Variants in TNNT3 observed in about 807,000 individuals in gnomAD.
The protein encoded by TNNT3 is troponin T, fast skeletal muscle.
TNNT3 carries 36 observed loss-of-function variants against 54.2 expected under a neutral mutation model. The observed-to-expected ratio is 0.66, with a 90% CI of 0.51 to 0.88. The LOEUF (loss-of-function observed/expected upper bound fraction) is 0.88. Ranked by LOEUF, TNNT3 falls within the 40% of genes least tolerant of loss-of-function variation. The probability of loss-of-function intolerance (pLI) is 0.00; values close to 1 mark genes in which losing one functional copy is unlikely to be tolerated. For missense variants in TNNT3, 291 were observed against 331.6 expected (o/e 0.88, Z 0.95); for synonymous variants, 120 against 109.7 (o/e 1.09, Z -0.59).
At chr11:1,934,275 C>T in intron 11 of TNNT3, 57 bp from the exon 12 acceptor site, 2 of 1,531,174 alleles carry the variant, frequency 1.3e-6, no homozygotes, top group Non-Finnish European at 1.8e-6. Flanking sequence ...TAAAGCCTGC[C>T]CAGAAAGCAT....
intron 8 of TNNT3, among the ~76,000 whole-genome samples, chr11:1,930,859 C>A (rs960225): frequency 0.087 from 13,217 of 152,054 alleles, 833 homozygotes; most frequent in South Asian, 0.27. Context: ...AATAAGACAC[C>A]TCATGAAAGA....
chr11:1,931,739 CA>C (rs1396926370), intron 8 of TNNT3, among the ~76,000 whole-genome samples: 32 of 125,544 alleles, frequency 2.5e-4, no homozygotes, highest in African/African-American at 8.5e-4. Context: ...TTTTTTTTCA[CA>C]TACATACGTT....
intron 6 of TNNT3, 106 bp downstream of exon 6, chr11:1,926,815 C>G: frequency 6.8e-7 from 1 of 1,474,552 alleles, no homozygotes; most frequent in Non-Finnish European, 9.4e-7. Flanking sequence ...CCACCAACAA[C>G]TGAACCCGTT....
At chr11:1,927,543 A>G (rs1851967345) in intron 6 of TNNT3, among the ~76,000 whole-genome samples, 1 of 151,928 alleles carries the variant, frequency 6.6e-6, no homozygotes. Context: ...TGGGAGGGGG[A>G]TGGGACTCCA....
At chr11:1,932,039 T>C (rs1319424346) in intron 8 of TNNT3, among the ~76,000 whole-genome samples, 1 of 152,126 alleles carries the variant, frequency 6.6e-6, no homozygotes, top group Non-Finnish European at 1.5e-5. Context: ...GAGAGAAAGA[T>C]GAAAGAGGGG....
In TNNT3 at chr11:1,936,387, C is replaced by T. The variant is rs375430717; in HGVS notation, c.682-576C>T. On this transcript the variant is annotated intron_variant, in intron 14 of 15. Coordinates refer to ENST00000278317, the MANE Select transcript of TNNT3 (RefSeq NM_006757.4). ...GGGCCTGGAGCCTTCCTCCTGCCCC[C>T]GCTCTCCCCTCGTGCCTGCAGCCGG... 159 of 1,013,396 alleles carry T rather than the reference C, an allele frequency of 1.6e-4. 1 individual carries two copies. The Middle Eastern group carries it at 1.6e-3, about 10-fold the overall frequency. 62.8% of individuals were successfully genotyped at this position (1,013,396 alleles called of 1,614,324 possible). A position where few individuals can be genotyped will look rare whatever the true frequency, so the allele number is the denominator to read the frequency against.
chr11:1,924,425 G>A (rs1466372725), intron 4 of TNNT3, among the ~76,000 whole-genome samples: 7 of 152,230 alleles, frequency 4.6e-5, no homozygotes, highest in Admixed American at 2.0e-4. Context: ...GCGCGTTCAC[G>A]CAACCTTAGC....
intron 5 of TNNT3, 197 bp from the exon 6 acceptor site, chr11:1,926,498 G>A (rs771083920): frequency 3.7e-6 from 6 of 1,613,158 alleles, no homozygotes; most frequent in East Asian, 2.2e-5. Context: ...GCATGACTTC[G>A]ATGCCACATG....
Position 1,938,542 on chromosome 11 carries a change from C to A in TNNT3, c.*50C>A, listed in dbSNP as rs1855815208. 6.4e-7 allele frequency: 1 copy of A among 1,574,076 alleles called. No homozygotes were observed. On this transcript the variant is annotated 3_prime_UTR_variant, in exon 16 of 16. Coordinates refer to ENST00000278317, the MANE Select transcript of TNNT3 (RefSeq NM_006757.4). ...CAGAGACCCTCCGCCCTCTTGCACA[C>A]CAGGGCCGCTCGTGGGACTCCACAT...
In TNNT3 at chr11:1,933,301, A is replaced by T. The variant is rs539466093; in HGVS notation, c.172-420A>T. Among the ~76,000 whole-genome samples, 10 of 151,478 alleles carry T rather than the reference A, an allele frequency of 6.6e-5. No homozygotes were observed. In the East Asian group the frequency reaches 1.8e-3, roughly 27 times the overall value. ...TCTATCCACCCAGTCATCTGTCTCC[A>T]TCCTCTCTCACTCATCCACCCATCC... On this transcript the variant is annotated intron_variant, in intron 9 of 15. Coordinates refer to ENST00000278317, the MANE Select transcript of TNNT3 (RefSeq NM_006757.4).
chr11:1,938,062 C>A, intron 15 of TNNT3: 1 of 336,960 alleles, frequency 3.0e-6, no homozygotes, highest in South Asian at 2.4e-5. Flanking sequence ...CTCCTGGGCC[C>A]CTCAGAGGCC....
At chr11:1,925,375 G>T (rs984377013) in intron 5 of TNNT3, 7 of 1,409,334 alleles carry the variant, frequency 5.0e-6, no homozygotes, top group Non-Finnish European at 6.9e-6. Context: ...GGGAAGCCAC[G>T]AGGTACCAGC....
intron 15 of TNNT3, 141 bp from the exon 16 acceptor site, chr11:1,938,296 TG>T: frequency 1.1e-6 from 1 of 892,800 alleles, no homozygotes; most frequent in Non-Finnish European, 1.9e-6. Context: ...GGACTGAAGC[TG>T]GGTGTGGGCC....
At chr11:1,933,547 A>G (rs1250510867) in intron 9 of TNNT3, among the ~76,000 whole-genome samples, 174 bp from the exon 10 acceptor site, 1 of 152,228 alleles carries the variant, frequency 6.6e-6, no homozygotes, top group African/African-American at 2.4e-5. Context: ...GATAGCAGCC[A>G]TGGCAATGTG....
At chr11:1,932,869 C>T (rs1853820202) in intron 9 of TNNT3, among the ~76,000 whole-genome samples, 2 of 151,058 alleles carry the variant, frequency 1.3e-5, no homozygotes, top group African/African-American at 2.4e-5. Flanking sequence ...TCCATCCATC[C>T]ATCCTGCCTT....
intron 7 of TNNT3, among the ~76,000 whole-genome samples, chr11:1,929,424 G>A (rs2133372385): frequency 6.6e-6 from 1 of 152,256 alleles, no homozygotes; most frequent in East Asian, 1.9e-4. Context: ...CCCGGGCCGG[G>A]CACGCCCCCC....
chr11:1,925,828 G>A (rs1851425472), intron 5 of TNNT3, among the ~76,000 whole-genome samples: 1 of 152,182 alleles, frequency 6.6e-6, no homozygotes, highest in East Asian at 1.9e-4. Flanking sequence ...CACAGGCTGG[G>A]AGCAGATGGG....
chr11:1,933,931 G>A lies in TNNT3; in HGVS notation c.289G>A (p.Glu97Lys). The A allele has an allele frequency of 6.2e-7, 1 of 1,612,852 alleles. No homozygotes were observed. The highest frequency in any genetic ancestry group is 8.5e-7 in the Non-Finnish European group (1 of 1,180,020). ...AGCAGACCCCCTTCTCTGGCTGCAG[G>A]AGAAGCGCCGTGCAGAGAGAGCGGA... is the stretch of plus-strand genomic sequence containing the variant. ...EELVALKERI[E>K]KRRAERAEQQ... Residue 97 changes from glutamate to lysine, a missense_variant and splice_region_variant, in exon 11 of 16, where the codon GAG (glutamate) becomes AAG (lysine). Transcript: ENST00000278317.
At chr11:1,932,319 G>T in intron 8 of TNNT3, 150 bp from the exon 9 acceptor site, 1 of 790,992 alleles carries the variant, frequency 1.3e-6, no homozygotes, top group South Asian at 1.3e-5. Context: ...ATAAAGCTGG[G>T]GCAAACGTGT....
Sources: allele counts gnomAD v4.1 joint callset (sites outside exome capture counted in the v4.1 genomes callset), GRCh38; gene constraint gnomAD v4.1.1; transcripts MANE v1.5; gene names NCBI Gene and HGNC (gene_info 2026-07-23, HGNC 2026-07-21).